Variants in GRM7 observed in about 807,000 individuals in gnomAD.
GRM7 encodes metabotropic glutamate receptor 7.
GRM7 carries 35 observed loss-of-function variants against 84.5 expected under a neutral mutation model. The observed-to-expected ratio is 0.41, with a 90% CI of 0.32 to 0.55. The LOEUF is 0.55. Ranked by LOEUF, GRM7 falls within the 20% of genes least tolerant of loss-of-function variation. The probability of loss-of-function intolerance (pLI) is 0.19; values close to 1 mark genes in which losing one functional copy is unlikely to be tolerated. For missense variants in GRM7, 1,003 were observed against 1,194.6 expected, an observed-to-expected ratio of 0.84 and a Z score of 2.36; for synonymous variants, 487 against 455.1, an observed-to-expected ratio of 1.07 and a Z score of -0.89.
chr3:7,298,650 C>T, intron 2 of GRM7, 34 bp from the exon 3 acceptor site: 2 of 1,597,718 alleles, frequency 1.3e-6, no homozygotes, highest in Non-Finnish European at 8.6e-7. Flanking sequence ...TCTGTGGAAA[C>T]ATTATTGACA....
chr3:7,649,290 C>T (rs563712113), intron 8 of GRM7, among the ~76,000 whole-genome samples: 101 of 152,060 alleles, frequency 6.6e-4, no homozygotes, highest in Middle Eastern at 3.4e-3. Flanking sequence ...AGGATAGTCC[C>T]GATCTCCTGA....
chr3:7,452,714 G>A lies in GRM7; in HGVS notation c.1282G>A (p.Asp428Asn). 6.2e-7 allele frequency: 1 copy of A among 1,613,288 alleles called. No homozygotes were observed. The highest frequency in any genetic ancestry group is 1.7e-4 in the Middle Eastern group (1 of 6,048). Residue 428 changes from aspartate (D) to asparagine (N), a missense_variant, in exon 6 of 10, where the codon GAT (aspartate) becomes AAT (asparagine). Transcript: ENST00000357716. ...TCACGCCCTTCACCACATGAACAAG[G>A]ATCTCTGTGCTGACTACCGGGGTGT... Reference protein sequence around the residue: ...MAHALHHMNKDLCADYRGVCP... With the variant: ...MAHALHHMNKNLCADYRGVCP...
intron 8 of GRM7, among the ~76,000 whole-genome samples, chr3:7,626,636 G>A (rs748772963): frequency 6.6e-5 from 10 of 152,108 alleles, no homozygotes; most frequent in East Asian, 1.9e-4. Flanking sequence ...ATCTGCCATC[G>A]CATAGTGGTG....
chr3:7,384,618 C>T (rs1694714015), intron 4 of GRM7, among the ~76,000 whole-genome samples: 1 of 152,154 alleles, frequency 6.6e-6, no homozygotes, highest in Non-Finnish European at 1.5e-5. Flanking sequence ...AGATACTTTA[C>T]ATTCTTTTTT....
intron 1 of GRM7, among the ~76,000 whole-genome samples, chr3:6,879,389 G>A (rs148762708): frequency 1.4e-4 from 22 of 152,230 alleles, no homozygotes; most frequent in African/African-American, 4.6e-4. Context: ...CTTACTTGAC[G>A]TTGTTTTGTG....
intron 1 of GRM7, among the ~76,000 whole-genome samples, chr3:6,969,239 G>A (rs182446326): frequency 1.7e-4 from 26 of 152,172 alleles, no homozygotes; most frequent in Admixed American, 9.2e-4. Flanking sequence ...ATAATGTCCT[G>A]AAAATTATCT....
At chr3:7,695,233 A>G (rs1461380344) in intron 9 of GRM7, among the ~76,000 whole-genome samples, 1 of 152,154 alleles carries the variant, frequency 6.6e-6, no homozygotes, top group Non-Finnish European at 1.5e-5. Flanking sequence ...TTAATTGCTG[A>G]GCTCTGTTAC....
intron 1 of GRM7, among the ~76,000 whole-genome samples, chr3:7,070,399 T>G (rs1272016144): frequency 1.3e-5 from 2 of 152,134 alleles, no homozygotes; most frequent in Non-Finnish European, 2.9e-5. Context: ...TTCTTCTGAT[T>G]GAATGATTTG....
intron 8 of GRM7, among the ~76,000 whole-genome samples, chr3:7,616,839 A>T (rs1161155176): frequency 6.6e-6 from 1 of 152,148 alleles, no homozygotes; most frequent in African/African-American, 2.4e-5. Flanking sequence ...AAACCTGAAA[A>T]TTTTTAATTA....
rs151033450 is a variant in GRM7 at position 7,327,736 on chromosome 3, C to T, written c.1033+21084C>T. On this transcript the variant is annotated intron_variant, in intron 4 of 9. Coordinates refer to ENST00000357716, the MANE Select transcript of GRM7 (RefSeq NM_000844.4). The stretch of plus-strand genomic sequence containing the variant: ...ATAAACATTCCTGAGCCCTATAACA[C>T]GAGGTGGACCAGGTGGGAAGAGATG... 2.1e-3 allele frequency among the ~76,000 whole-genome samples: 317 copies of T among 152,242 alleles called. 1 individual carries two copies. Among genetic ancestry groups the T allele is most frequent in the African/African-American group, 7.0e-3 (292 of 41,544 alleles).
At chr3:7,255,205 AT>A (rs2124946786) in intron 2 of GRM7, among the ~76,000 whole-genome samples, 1 of 152,320 alleles carries the variant, frequency 6.6e-6, no homozygotes, top group South Asian at 2.1e-4. Flanking sequence ...CATCTATGAA[AT>A]AAAGAGGTTG....
chr3:7,191,130 T>C (rs1559494185), intron 2 of GRM7, among the ~76,000 whole-genome samples: 2 of 152,166 alleles, frequency 1.3e-5, no homozygotes, highest in South Asian at 2.1e-4. Flanking sequence ...ATATTAGCCA[T>C]GGCAATGAGA....
At chr3:7,276,334 G>A (rs1297698991) in intron 2 of GRM7, among the ~76,000 whole-genome samples, 2 of 150,646 alleles carry the variant, frequency 1.3e-5, no homozygotes, top group African/African-American at 4.9e-5. Context: ...CCAAAGTCAT[G>A]AATTCCATCC....
At chr3:7,630,279 A>C (rs920937314) in intron 8 of GRM7, among the ~76,000 whole-genome samples, 1 of 151,798 alleles carries the variant, frequency 6.6e-6, no homozygotes, top group African/African-American at 2.4e-5. Context: ...TGCCCATTCT[A>C]TTAAGCTAAG....
At chr3:6,902,253 C>CA (rs1696414739) in intron 1 of GRM7, among the ~76,000 whole-genome samples, 1 of 152,012 alleles carries the variant, frequency 6.6e-6, no homozygotes, top group African/African-American at 2.4e-5. Flanking sequence ...TGTCTTCTGG[C>CA]AAAAAAGCAT....
chr3:7,665,241 G>A (rs1203465701), intron 8 of GRM7, among the ~76,000 whole-genome samples: 12 of 147,130 alleles, frequency 8.2e-5, no homozygotes, highest in Middle Eastern at 3.9e-3. Context: ...GCGCAATCTC[G>A]GCTCACTGCA....
chr3:6,997,644 G>A (rs996247405), intron 1 of GRM7, among the ~76,000 whole-genome samples: 6 of 152,122 alleles, frequency 3.9e-5, no homozygotes, highest in African/African-American at 1.4e-4. Flanking sequence ...AGAGGTGGGT[G>A]GGGACACCAC....
Position 7,229,743 on chromosome 3 carries a change from A to T in GRM7, c.737-68941A>T, listed in dbSNP as rs1320587582. Among the ~76,000 whole-genome samples, 2 of 44,690 alleles carry T rather than the reference A, an allele frequency of 4.5e-5. 1 individual carries two copies. Among genetic ancestry groups the T allele is most frequent in the Non-Finnish European group, 8.1e-5 (2 of 24,804 alleles). 29.3% of individuals were successfully genotyped at this position (44,690 alleles called of 152,430 possible). A position where few individuals can be genotyped will look rare whatever the true frequency, so the allele number is the denominator to read the frequency against. On this transcript the variant is annotated intron_variant, in intron 2 of 9. Coordinates refer to ENST00000357716, the MANE Select transcript of GRM7 (RefSeq NM_000844.4). The stretch of plus-strand genomic sequence containing the variant: ...GACACACACATATATATATATATAT[A>T]TATATATATATATATATTTTTTTTT...
At chr3:7,051,877 G>A (rs951942631) in intron 1 of GRM7, among the ~76,000 whole-genome samples, 1 of 151,678 alleles carries the variant, frequency 6.6e-6, no homozygotes, top group Non-Finnish European at 1.5e-5. Flanking sequence ...CTACATCAAT[G>A]GGTGACTTTA....
Sources: gnomAD v4.1 joint callset for allele counts (sites outside exome capture counted in the v4.1 genomes callset) on GRCh38, gnomAD v4.1.1 for gene constraint, MANE v1.5 for transcripts, NCBI Gene and HGNC (gene_info 2026-07-23, HGNC 2026-07-21) for gene names.